The following MTMR3 variants were observed in gnomAD, a reference collection of about 807,000 sequenced individuals.
MTMR3 encodes the protein myotubularin related protein 3.
MTMR3 carries 32 observed loss-of-function variants against 132.4 expected under a neutral mutation model. That is an observed-to-expected ratio of 0.24 (90% CI 0.18 to 0.32). The LOEUF is 0.32. Ranked by LOEUF, MTMR3 falls within the 10% of genes least tolerant of loss-of-function variation. The pLI is 1.00. For missense variants in MTMR3, 1,216 were observed against 1,489.6 expected, an observed-to-expected ratio of 0.82 and a Z score of 3.02; for synonymous variants, 556 against 550.3, an observed-to-expected ratio of 1.01 and a Z score of -0.14.
chr22:29,943,895 C>A (rs1035954141), intron 1 of MTMR3, among the ~76,000 whole-genome samples: 2 of 151,300 alleles, frequency 1.3e-5, no homozygotes, highest in African/African-American at 4.9e-5. Flanking sequence ...ACGATCTTGG[C>A]TCATTGCAAA....
At chr22:29,895,556 C>T (rs1326897981) in intron 1 of MTMR3, among the ~76,000 whole-genome samples, 1 of 152,102 alleles carries the variant, frequency 6.6e-6, no homozygotes, top group Non-Finnish European at 1.5e-5. Flanking sequence ...GTGGATGAGG[C>T]AAAACTTCGT....
chr22:30,022,279 C>T, intron 18 of MTMR3, 140 bp downstream of exon 18: 1 of 670,418 alleles, frequency 1.5e-6, no homozygotes, highest in South Asian at 1.8e-5. Flanking sequence ...ACCTTAGCTC[C>T]TGGGAACCCA....
chr22:29,934,723 G>A (rs2065714549), intron 1 of MTMR3, among the ~76,000 whole-genome samples: 1 of 152,170 alleles, frequency 6.6e-6, no homozygotes, highest in South Asian at 2.1e-4. Context: ...AAACATACTA[G>A]CTTTGACCTT....
intron 1 of MTMR3, among the ~76,000 whole-genome samples, chr22:29,927,515 A>G (rs1180876382): frequency 6.6e-6 from 1 of 152,136 alleles, no homozygotes; most frequent in African/African-American, 2.4e-5. Flanking sequence ...AATTTTTTTC[A>G]ATAATATTTT....
chr22:29,944,122 G>A (rs914923563), intron 1 of MTMR3, among the ~76,000 whole-genome samples: 15 of 151,856 alleles, frequency 9.9e-5, no homozygotes, highest in Admixed American at 4.6e-4. Context: ...TCCGGCCTCC[G>A]TGTGGACAAC....
At chr22:29,959,127 A>G (rs2066257097) in intron 2 of MTMR3, among the ~76,000 whole-genome samples, 1 of 152,208 alleles carries the variant, frequency 6.6e-6, no homozygotes, top group Non-Finnish European at 1.5e-5. Context: ...ATGAGATTCC[A>G]TGTTCAGTAG....
rs869082824 is a variant in MTMR3 at position 29,924,472 on chromosome 22, AG to A, written c.-137-32563del. Among the ~76,000 whole-genome samples the A allele has an allele frequency of 2.9e-5, 4 of 135,890 alleles. No homozygotes were observed. In the East Asian group the frequency reaches 1.2e-3, roughly 42 times the overall value. 89.1% of individuals were successfully genotyped at this position (135,890 alleles called of 152,430 possible). A position where few individuals can be genotyped will look rare whatever the true frequency, so the allele number is the denominator to read the frequency against. ...ACTGTTTTGTTTACTGCAGCTTTGT[AG>A]TAAGTTTTGCAGTCAGTTAGTGTGA... On this transcript the variant is annotated intron_variant, in intron 1 of 19. Coordinates refer to ENST00000401950, the MANE Select transcript of MTMR3 (RefSeq NM_021090.4).
intron 1 of MTMR3, among the ~76,000 whole-genome samples, chr22:29,889,955 G>T (rs1419083242): frequency 7.2e-6 from 1 of 137,994 alleles, no homozygotes; most frequent in African/African-American, 2.7e-5. Flanking sequence ...CGCCCAGGCT[G>T]GAGTGCGGTG....
intron 1 of MTMR3, among the ~76,000 whole-genome samples, chr22:29,946,019 A>G (rs373220392): frequency 0.012 from 678 of 58,484 alleles, 6 homozygotes; most frequent in African/African-American, 0.058. Flanking sequence ...GTGTGTATAT[A>G]TTTGTGTGTG....
intron 6 of MTMR3, chr22:29,989,459 C>T (rs1047946755): frequency 6.6e-6 from 1 of 152,106 alleles, no homozygotes; most frequent in African/African-American, 2.4e-5. Context: ...TGAACTCTGA[C>T]CTCGTGATCT....
chr22:30,024,728 T>A (rs2067865292), intron 19 of MTMR3: 1 of 152,226 alleles, frequency 6.6e-6, no homozygotes, highest in South Asian at 2.1e-4. Flanking sequence ...AGGATTGATT[T>A]GTACCTCAGG....
chr22:29,931,858 T>C (rs1447627160), intron 1 of MTMR3, among the ~76,000 whole-genome samples: 1 of 152,098 alleles, frequency 6.6e-6, no homozygotes, highest in Non-Finnish European at 1.5e-5. Flanking sequence ...AGCCCTTTTT[T>C]GTAAGACAGC....
chr22:30,007,928 C>T lies in MTMR3; in HGVS notation c.905C>T (p.Ala302Val). 6.2e-7 allele frequency: 1 copy of T among 1,613,660 alleles called. No individual in the cohort carries two copies. The change falls in exon 11 of 20, where the codon GCA becomes GTA. Residue 302 changes from alanine to valine, a missense_variant. Transcript: ENST00000401950. ...FDSSLSNASGAESLAIQPQKL... is the reference protein window; with the variant it reads ...FDSSLSNASGVESLAIQPQKL... ...TCTTCTCTGTCAAATGCTTCAGGAGCAGAGAGTTTAGCCATCCAACCGCAG... is the reference window on the plus strand; with the variant it reads ...TCTTCTCTGTCAAATGCTTCAGGAGTAGAGAGTTTAGCCATCCAACCGCAG...
chr22:30,013,286 C>T, intron 13 of MTMR3, 70 bp from the exon 14 acceptor site: 1 of 1,518,898 alleles, frequency 6.6e-7, no homozygotes, highest in Admixed American at 1.8e-5. Context: ...CTTTCTGTGA[C>T]ACCAGGCTTA....
At chr22:29,900,688 G>A (rs2064987836) in intron 1 of MTMR3, among the ~76,000 whole-genome samples, 1 of 152,114 alleles carries the variant, frequency 6.6e-6, no homozygotes, top group Admixed American at 6.6e-5. Flanking sequence ...AATTTGCCTA[G>A]GTGGGTTGAG....
intron 5 of MTMR3, chr22:29,979,472 AC>A (rs2066697494): frequency 8.7e-6 from 2 of 229,830 alleles, no homozygotes; most frequent in Non-Finnish European, 1.7e-5. Context: ...AGCCTGGGTG[AC>A]CAGAGCAAGA....
At chr22:29,914,873 C>T (rs1039515852) in intron 1 of MTMR3, among the ~76,000 whole-genome samples, 2 of 152,112 alleles carry the variant, frequency 1.3e-5, no homozygotes, top group African/African-American at 4.8e-5. Context: ...TACTACTATT[C>T]AGTTTGAATA....
rs749927557 is a variant in MTMR3 at position 30,030,647 on chromosome 22, G to GGGGGGGTGGGGGGGT, written c.*4847_*4848insGGGGGTGGGGGGGTG. On this transcript the variant is annotated 3_prime_UTR_variant, in exon 20 of 20. Coordinates refer to ENST00000401950, the MANE Select transcript of MTMR3 (RefSeq NM_021090.4). ...CTCAGCGAGGAGGGGGCGGGGGGGGGGTCACTATTTATCTTCCAGAGGCAG... is the reference window on the plus strand; with the variant it reads ...CTCAGCGAGGAGGGGGCGGGGGGGGGGGGGGGTGGGGGGGTGTCACTATTTATCTTCCAGAGGCAG... 1 of 76,360 alleles carries GGGGGGGTGGGGGGGT rather than the reference G, an allele frequency of 1.3e-5. No individual in the cohort carries two copies. The highest frequency in any genetic ancestry group is 2.6e-5 in the Non-Finnish European group (1 of 38,518). 4.7% of individuals were successfully genotyped at this position (76,360 alleles called of 1,614,324 possible).
At position 30,030,339 on chromosome 22, in the gene MTMR3, ATAAGAT is replaced by A. The variant is rs1464339308; in HGVS notation, c.*4540_*4545del. On this transcript the variant is annotated 3_prime_UTR_variant, in exon 20 of 20. Coordinates refer to ENST00000401950, the MANE Select transcript of MTMR3 (RefSeq NM_021090.4). ...CCTTTAACAGCTTCCCAACTAGCTT[ATAAGAT>A]TTTTTTTTTTAATGAAAACATAACC... is the stretch of plus-strand genomic sequence containing the variant. The A allele has an allele frequency of 7.8e-6, 1 of 128,998 alleles. No individual in the cohort carries two copies. The highest frequency in any genetic ancestry group is 1.7e-5 in the Non-Finnish European group (1 of 57,354). The allele number at this position is 128,998 out of a possible 1,614,324, so 8.0% of individuals were successfully genotyped here.
Sources: allele counts gnomAD v4.1 joint callset (sites outside exome capture counted in the v4.1 genomes callset), GRCh38; gene constraint gnomAD v4.1.1; transcripts MANE v1.5; gene names NCBI Gene and HGNC (gene_info 2026-07-23, HGNC 2026-07-21).